Variants in STK24 observed in about 807,000 individuals in gnomAD.
STK24 encodes the protein serine/threonine-protein kinase 24.
In STK24, 21 loss-of-function variants were observed where a neutral mutation model predicts 55.6. That is an observed-to-expected ratio of 0.38 (90% CI 0.27 to 0.54). The LOEUF (loss-of-function observed/expected upper bound fraction) is 0.54. Ranked by LOEUF, STK24 falls within the 20% of genes least tolerant of loss-of-function variation. The pLI, the probability that STK24 is intolerant of heterozygous loss-of-function variation, is 0.79. For missense variants in STK24, 383 were observed against 538.4 expected (o/e 0.71, Z 2.86); for synonymous variants, 200 against 215.2 (o/e 0.93, Z 0.62).
At chr13:98,567,291 G>A (rs1337196566) in intron 1 of STK24, among the ~76,000 whole-genome samples, 2 of 152,136 alleles carry the variant, frequency 1.3e-5, no homozygotes, top group Non-Finnish European at 2.9e-5. Context: ...GCCCTCTGAC[G>A]GGCTATTCGG....
At chr13:98,522,060 G>GTCC in intron 1 of STK24, 1 of 1,388,070 alleles carries the variant, frequency 7.2e-7, no homozygotes. Context: ...GACCTGCCCG[G>GTCC]TCCTCCCCAC....
intron 1 of STK24, chr13:98,553,581 T>A (rs1405827007): frequency 1.2e-5 from 2 of 160,404 alleles, no homozygotes; most frequent in Non-Finnish European, 2.9e-5. Context: ...AAAGAAAACA[T>A]CCCGGCCTAT....
At chr13:98,488,824 G>T (rs1894907256) in intron 2 of STK24, among the ~76,000 whole-genome samples, 1 of 152,154 alleles carries the variant, frequency 6.6e-6, no homozygotes, top group South Asian at 2.1e-4. Flanking sequence ...AGACAAACGA[G>T]AAAGGGCAGA....
intron 1 of STK24, among the ~76,000 whole-genome samples, chr13:98,559,926 G>T (rs551522481): frequency 1.9e-4 from 29 of 151,750 alleles, no homozygotes; most frequent in African/African-American, 6.3e-4. Context: ...AGGCAGGAGA[G>T]ATCACTTGAC....
intron 3 of STK24, among the ~76,000 whole-genome samples, chr13:98,477,706 G>A (rs1360553495): frequency 1.3e-5 from 2 of 150,384 alleles, no homozygotes; most frequent in Non-Finnish European, 3.0e-5. Context: ...CATTAGAGTC[G>A]GGTCCCATCT....
intron 9 of STK24, among the ~76,000 whole-genome samples, chr13:98,459,642 C>T (rs1012815041): frequency 6.6e-6 from 1 of 152,240 alleles, no homozygotes; most frequent in African/African-American, 2.4e-5. Context: ...ACCAGGACCC[C>T]TAAACACAGC....
In STK24 at chr13:98,453,116, A is replaced by C. The variant is rs1893274702; in HGVS notation, c.*57T>G. ...GAAGGCTCTCGTTGACTTTTAAAAA[A>C]GGAGGAGGATGAAGAAGGAAAAAAG... On this transcript the variant is annotated 3_prime_UTR_variant, in exon 11 of 11. Coordinates refer to ENST00000539966, the MANE Select transcript of STK24 (RefSeq NM_001032296.4). 2 of 1,598,232 alleles carry C rather than the reference A, an allele frequency of 1.3e-6. No individual in the cohort carries two copies. The highest frequency in any genetic ancestry group is 2.7e-5 in the African/African-American group (2 of 74,392).
intron 5 of STK24, among the ~76,000 whole-genome samples, chr13:98,469,364 C>T (rs1217044989): frequency 6.6e-6 from 1 of 152,190 alleles, no homozygotes; most frequent in Non-Finnish European, 1.5e-5. Flanking sequence ...GCCCGGCCAA[C>T]ATGGCGAAAC....
intron 1 of STK24, among the ~76,000 whole-genome samples, chr13:98,574,931 G>C (rs1165213385): frequency 6.6e-6 from 1 of 152,002 alleles, no homozygotes; most frequent in Non-Finnish European, 1.5e-5. Context: ...CACGGCACCA[G>C]CCAAAGGGGC....
intron 3 of STK24, among the ~76,000 whole-genome samples, chr13:98,482,007 C>A (rs569061173): frequency 9.2e-4 from 139 of 150,440 alleles, no homozygotes; most frequent in Non-Finnish European, 1.6e-3. Context: ...GTAGAGGTAG[C>A]AGTGAGCTGA....
chr13:98,551,996 A>T (rs1162497681), intron 1 of STK24, among the ~76,000 whole-genome samples: 1 of 152,294 alleles, frequency 6.6e-6, no homozygotes, highest in African/African-American at 2.4e-5. Context: ...AGGAAAAAAA[A>T]GTCAAATGGC....
chr13:98,519,137 T>A, intron 2 of STK24, 106 bp downstream of exon 2: 1 of 870,414 alleles, frequency 1.1e-6, no homozygotes, highest in Non-Finnish European at 1.8e-6. Flanking sequence ...CATCTCTCCT[T>A]GCTCTGAAAC....
chr13:98,481,384 G>A (rs1223666600), intron 3 of STK24, among the ~76,000 whole-genome samples: 1 of 152,174 alleles, frequency 6.6e-6, no homozygotes, highest in African/African-American at 2.4e-5. Context: ...GAAGGCACTT[G>A]AGGGAGAGTT....
chr13:98,531,995 T>C (rs1896592011), intron 1 of STK24, among the ~76,000 whole-genome samples: 1 of 152,170 alleles, frequency 6.6e-6, no homozygotes, highest in East Asian at 1.9e-4. Context: ...GGTAGCTCCC[T>C]AAACAGCTCG....
At chr13:98,533,759 AAC>A (rs369424726) in intron 1 of STK24, among the ~76,000 whole-genome samples, 4 of 151,020 alleles carry the variant, frequency 2.6e-5, no homozygotes, top group Non-Finnish European at 5.9e-5. Flanking sequence ...CTCAGTACCC[AAC>A]ACACACACAC....
At chr13:98,496,156 A>G (rs1312330916) in intron 2 of STK24, among the ~76,000 whole-genome samples, 1 of 152,202 alleles carries the variant, frequency 6.6e-6, no homozygotes, top group Non-Finnish European at 1.5e-5. Context: ...ATTTAAGCAG[A>G]TGAGCAGACA....
intron 2 of STK24, among the ~76,000 whole-genome samples, chr13:98,495,194 C>G (rs1394292751): frequency 2.6e-5 from 4 of 152,198 alleles, no homozygotes; most frequent in African/African-American, 9.7e-5. Context: ...GGAAGTCATG[C>G]TGTCCTACAA....
intron 2 of STK24, among the ~76,000 whole-genome samples, chr13:98,517,375 C>T (rs1332665781): frequency 6.6e-6 from 1 of 152,158 alleles, no homozygotes; most frequent in African/African-American, 2.4e-5. Flanking sequence ...CCTATAATCC[C>T]AGCACTTTGG....
intron 9 of STK24, among the ~76,000 whole-genome samples, chr13:98,459,311 TGCCCTGTGGCTTCCCCGACACCAGCGG>T (rs1277659656): frequency 6.6e-6 from 1 of 152,242 alleles, no homozygotes; most frequent in Non-Finnish European, 1.5e-5. Context: ...GGCCTCCGCG[TGCCCTGTGGCTTCCCCGACACCAGCGG>T]GCTCGGCTAC....
Sources: gnomAD v4.1 joint callset for allele counts (sites outside exome capture counted in the v4.1 genomes callset) on GRCh38, gnomAD v4.1.1 for gene constraint, MANE v1.5 for transcripts, NCBI Gene and HGNC (gene_info 2026-07-23, HGNC 2026-07-21) for gene names.